VIPR2: variants seen among roughly 807,000 people sequenced by gnomAD.
VIPR2 encodes the protein vasoactive intestinal peptide receptor 2.
Under a neutral mutation model 58.0 loss-of-function variants are expected in VIPR2, and 48 were observed. The observed-to-expected ratio is 0.83, with a 90% confidence interval of 0.66 to 1.05. The LOEUF (loss-of-function observed/expected upper bound fraction) is 1.05. Among genes scored for constraint, VIPR2 ranks in the 50% least tolerant of loss-of-function variants. The probability of loss-of-function intolerance (pLI) is 0.00; values close to 1 mark genes in which losing one functional copy is unlikely to be tolerated. For synonymous variants in VIPR2, 243 were observed against 235.2 expected (o/e 1.03, Z -0.30); for missense variants, 534 against 558.0 (o/e 0.96, Z 0.43).
intron 12 of VIPR2, 60 bp from the exon 13 acceptor site, chr7:159,030,849 G>A (rs1853518753): frequency 1.4e-6 from 2 of 1,423,428 alleles, no homozygotes; most frequent in African/African-American, 1.5e-5. Context: ...CGGCTGCTAT[G>A]GGAAGCGCGG....
chr7:159,117,927 C>T lies in VIPR2; in HGVS notation c.152-8008G>A, dbSNP rs150046304. Among the ~76,000 whole-genome samples the T allele has an allele frequency of 3.5e-3, 533 of 152,330 alleles. 6 individuals carry two copies. The highest frequency in any genetic ancestry group is 0.011 in the African/African-American group (466 of 41,576). ...GGCTCGGATGACAGCTTGCCTCCAA[C>T]GCATTTAGAAGCAAATATTTCCAAT... On this transcript the variant is annotated intron_variant, in intron 2 of 12. Transcript: ENST00000262178.
At chr7:159,038,239 G>A (rs1002440946) in intron 6 of VIPR2, among the ~76,000 whole-genome samples, 1 of 152,046 alleles carries the variant, frequency 6.6e-6, no homozygotes, top group African/African-American at 2.4e-5. Context: ...AGGCGGCCCC[G>A]ACCTCCCCAG....
chr7:159,102,711 C>T (rs1858375342), intron 4 of VIPR2, among the ~76,000 whole-genome samples: 1 of 152,192 alleles, frequency 6.6e-6, no homozygotes, highest in Non-Finnish European at 1.5e-5. Flanking sequence ...AGCCACACCT[C>T]CAGGAGGGGC....
chr7:159,037,978 G>A (rs935043105), intron 6 of VIPR2, among the ~76,000 whole-genome samples: 2 of 152,170 alleles, frequency 1.3e-5, no homozygotes, highest in South Asian at 4.1e-4. Flanking sequence ...ACTTACATAT[G>A]TATGGGTGGA....
At chr7:159,104,389 C>T (rs888890212) in intron 3 of VIPR2, among the ~76,000 whole-genome samples, 5 of 149,024 alleles carry the variant, frequency 3.4e-5, no homozygotes, top group Admixed American at 6.7e-5. Context: ...CAGTTCCCAA[C>T]AGCACGACAG....
intron 4 of VIPR2, among the ~76,000 whole-genome samples, chr7:159,094,129 T>G (rs945350235): frequency 1.3e-5 from 2 of 152,036 alleles, no homozygotes; most frequent in African/African-American, 4.8e-5. Context: ...CTGGTCTCAT[T>G]CTCCACAGGG....
intron 4 of VIPR2, among the ~76,000 whole-genome samples, chr7:159,086,059 C>G (rs1271476888): frequency 1.3e-5 from 2 of 152,178 alleles, no homozygotes; most frequent in Admixed American, 6.6e-5. Flanking sequence ...AACAAGTGCA[C>G]CACATTAACA....
chr7:159,100,681 GC>G (rs1858149385), intron 4 of VIPR2, among the ~76,000 whole-genome samples: 1 of 152,240 alleles, frequency 6.6e-6, no homozygotes. Context: ...AATCATGCAG[GC>G]CGTTCCCCTG....
intron 2 of VIPR2, among the ~76,000 whole-genome samples, chr7:159,140,522 G>A (rs1214090299): frequency 6.6e-6 from 1 of 152,192 alleles, no homozygotes; most frequent in Non-Finnish European, 1.5e-5. Flanking sequence ...TTGTTACCAA[G>A]TACTTCGTGC....
rs869158676 is a variant in VIPR2 at position 159,030,342 on chromosome 7, C to CAA, written c.*272_*273dup. The CAA allele has an allele frequency of 0.014, 2,830 of 199,308 alleles. 33 individuals carry two copies. The highest frequency in any genetic ancestry group is 0.046 in the African/African-American group (1,056 of 23,204). The allele number at this position is 199,308 out of a possible 1,614,324, so 12.3% of individuals were successfully genotyped here. On this transcript the variant is annotated 3_prime_UTR_variant, in exon 13 of 13. Transcript: ENST00000262178. ...TGGGCGACAGAGCGAGACTCCGTCTCAAAAAAAAAAAAAAAAAAAAAAGTG... is the reference window on the plus strand; with the variant it reads ...TGGGCGACAGAGCGAGACTCCGTCTCAAAAAAAAAAAAAAAAAAAAAAAAGTG...
At chr7:159,058,352 A>G in intron 5 of VIPR2, 129 bp downstream of exon 5, 2 of 715,028 alleles carry the variant, frequency 2.8e-6, no homozygotes, top group Non-Finnish European at 5.0e-6. Flanking sequence ...ATTTAATGGC[A>G]GCATTCTCCA....
intron 4 of VIPR2, among the ~76,000 whole-genome samples, chr7:159,081,864 A>T (rs1856921633): frequency 6.6e-6 from 1 of 152,254 alleles, no homozygotes; most frequent in Non-Finnish European, 1.5e-5. Flanking sequence ...ACATGAAAAA[A>T]TACTCATCAT....
At chr7:159,036,163 G>GT (rs1585330380) in intron 7 of VIPR2, 151 bp from the exon 8 acceptor site, 7 of 997,072 alleles carry the variant, frequency 7.0e-6, no homozygotes, top group Non-Finnish European at 8.5e-6. Context: ...ATATTTACAA[G>GT]TTTATGCTCA....
intron 8 of VIPR2, among the ~76,000 whole-genome samples, chr7:159,035,280 G>A: frequency 6.6e-6 from 1 of 152,214 alleles, no homozygotes; most frequent in Non-Finnish European, 1.5e-5. Context: ...GGCTGGTGCA[G>A]TCTCAGACTG....
At position 159,031,898 on chromosome 7, in the gene VIPR2, A is replaced by G; in HGVS notation, c.1102-29T>C. 1 of 1,614,048 alleles carries G rather than the reference A, an allele frequency of 6.2e-7. No homozygotes were observed. Among genetic ancestry groups the G allele is most frequent in the Non-Finnish European group, 8.5e-7 (1 of 1,180,018 alleles). ...CAATGAGAAGAGATGGTCAGGCAGG[A>G]CCCGCGCTCGGGGGAGGGCGGCCGC... is the stretch of plus-strand genomic sequence containing the variant. On this transcript the variant is annotated intron_variant, in intron 11 of 12. Transcript: ENST00000262178. This position sits in a 1 kb window ranked among gnomAD's most constrained non-coding sequence, Gnocchi z 4.0.
chr7:159,064,233 C>G (rs1563289489), intron 4 of VIPR2, among the ~76,000 whole-genome samples: 1 of 151,998 alleles, frequency 6.6e-6, no homozygotes, highest in Non-Finnish European at 1.5e-5. Flanking sequence ...TCCTTCTTCC[C>G]GCATTTCACG....
intron 6 of VIPR2, 30 bp downstream of exon 6, chr7:159,043,005 A>G (rs1854438584): frequency 1.2e-6 from 2 of 1,610,756 alleles, no homozygotes; most frequent in Non-Finnish European, 1.7e-6. Flanking sequence ...GGGACAAGAC[A>G]GTGGGACCCT....
At chr7:159,042,888 G>A (rs993594192) in intron 6 of VIPR2, 147 bp downstream of exon 6, 3 of 1,160,616 alleles carry the variant, frequency 2.6e-6, no homozygotes. Flanking sequence ...TCTGGCCCCA[G>A]CCTCTCTGCC....
chr7:159,109,699 G>T (rs965095799), intron 3 of VIPR2, 113 bp downstream of exon 3: 2 of 969,418 alleles, frequency 2.1e-6, no homozygotes, highest in Admixed American at 3.7e-5. Context: ...TGACCCCCAG[G>T]GTAGCAGGAG....
Sources: allele counts gnomAD v4.1 joint callset (sites outside exome capture counted in the v4.1 genomes callset), GRCh38; gene constraint gnomAD v4.1.1; non-coding constraint Gnocchi (gnomAD v3.1); transcripts MANE v1.5; gene names NCBI Gene and HGNC (gene_info 2026-07-23, HGNC 2026-07-21).